The following FTO variants were observed in gnomAD, a reference collection of about 807,000 sequenced individuals.
FTO encodes FTO alpha-ketoglutarate dependent dioxygenase.
In FTO, 47 loss-of-function variants were observed where a neutral mutation model predicts 63.9. That is an observed-to-expected ratio of 0.74 (90% CI 0.58 to 0.94). The LOEUF is 0.94. Among genes scored for constraint, FTO ranks in the 40% least tolerant of loss-of-function variants. The pLI is 0.00. For missense variants in FTO, 562 were observed against 618.1 expected (o/e 0.91, Z 0.96); for synonymous variants, 207 against 224.4 (o/e 0.92, Z 0.69).
intron 8 of FTO, among the ~76,000 whole-genome samples, chr16:54,048,112 TA>T (rs71380059): frequency 0.011 from 402 of 36,312 alleles, 37 homozygotes; most frequent in African/African-American, 0.07. Flanking sequence ...TAGAGTATAA[TA>T]AAAAAAAAAA....
intron 1 of FTO, among the ~76,000 whole-genome samples, chr16:53,724,507 A>G (rs1290639596): frequency 6.6e-6 from 1 of 152,206 alleles, no homozygotes; most frequent in African/African-American, 2.4e-5. Flanking sequence ...TCTATTTGTG[A>G]TTAGAAATCC....
At chr16:54,056,769 C>T (rs188511927) in intron 8 of FTO, among the ~76,000 whole-genome samples, 1 of 152,288 alleles carries the variant, frequency 6.6e-6, no homozygotes, top group East Asian at 1.9e-4. Flanking sequence ...TATGAGAAAC[C>T]CTAAAACCAG....
intron 8 of FTO, chr16:54,072,207 A>G (rs891148258): frequency 2.6e-5 from 4 of 152,188 alleles, no homozygotes; most frequent in African/African-American, 9.7e-5. Flanking sequence ...TAGATTGAAG[A>G]CATCATTTGT....
At chr16:53,795,702 T>C (rs1279860391) in intron 1 of FTO, among the ~76,000 whole-genome samples, 1 of 152,146 alleles carries the variant, frequency 6.6e-6, no homozygotes, top group African/African-American at 2.4e-5. Context: ...ATGTTGACGT[T>C]GTAGAATTTA....
At chr16:54,049,965 A>G (rs1245758702) in intron 8 of FTO, among the ~76,000 whole-genome samples, 2 of 152,226 alleles carry the variant, frequency 1.3e-5, no homozygotes, top group African/African-American at 4.8e-5. Flanking sequence ...GTGTGAAAAC[A>G]ATCTGGCTGT....
At chr16:53,957,158 G>T (rs1196674762) in intron 8 of FTO, among the ~76,000 whole-genome samples, 1 of 152,102 alleles carries the variant, frequency 6.6e-6, no homozygotes, top group African/African-American at 2.4e-5. Context: ...TGGCTTGCCC[G>T]GGGCTGGCAT....
intron 1 of FTO, among the ~76,000 whole-genome samples, chr16:53,741,630 G>T (rs1230741454): frequency 6.6e-6 from 1 of 152,100 alleles, no homozygotes; most frequent in Non-Finnish European, 1.5e-5. Flanking sequence ...GCCCAAGAAG[G>T]TCATTGAGGA....
chr16:53,747,978 G>A (rs2076688115), intron 1 of FTO, among the ~76,000 whole-genome samples: 1 of 152,054 alleles, frequency 6.6e-6, no homozygotes. Flanking sequence ...ACATGCATGG[G>A]TTCATTTCTG....
intron 8 of FTO, among the ~76,000 whole-genome samples, chr16:54,075,568 G>A (rs1391493452): frequency 6.6e-6 from 1 of 152,184 alleles, no homozygotes; most frequent in African/African-American, 2.4e-5. Flanking sequence ...AAAGATGATA[G>A]TTTTCTCTGT....
chr16:53,880,120 G>A (rs2080783211), intron 6 of FTO, 133 bp downstream of exon 6: 3 of 677,596 alleles, frequency 4.4e-6, no homozygotes, highest in Non-Finnish European at 5.1e-6. Flanking sequence ...TCAAGCTCCC[G>A]AATAGGTGGG....
chr16:54,001,964 G>A (rs1431343667), intron 8 of FTO, among the ~76,000 whole-genome samples: 2 of 152,200 alleles, frequency 1.3e-5, no homozygotes, highest in Non-Finnish European at 2.9e-5. Context: ...CTTTGGGCCA[G>A]ATGATTAGTC....
rs562511912 is a variant in FTO at position 54,079,306 on chromosome 16, A to G, written c.1365-32456A>G. ...ACAAGCACAGGATGGCCAAACCAAG[A>G]ATGAAGCTTGATTCTGAGCTTTATG... On this transcript the variant is annotated intron_variant, in intron 8 of 8. Coordinates refer to ENST00000471389, the MANE Select transcript of FTO (RefSeq NM_001080432.3). Among the ~76,000 whole-genome samples the G allele has an allele frequency of 4.6e-5, 7 of 152,298 alleles. No individual in the cohort carries two copies. The South Asian group carries it at 1.0e-3, about 23-fold the overall frequency.
At chr16:53,870,399 C>T (rs114184644) in intron 4 of FTO, among the ~76,000 whole-genome samples, 2,069 of 152,270 alleles carry the variant, frequency 0.014, 34 homozygotes, top group South Asian at 0.058. Flanking sequence ...GTCCCGTCTA[C>T]GTTGAATCTC....
intron 8 of FTO, among the ~76,000 whole-genome samples, chr16:54,068,552 C>T (rs1340096549): frequency 6.6e-6 from 1 of 152,056 alleles, no homozygotes; most frequent in African/African-American, 2.4e-5. Context: ...ACCTATCTGC[C>T]CCCACATTTT....
rs147341309 is a variant in FTO at position 54,075,801 on chromosome 16, T to A, written c.1365-35961T>A. Among the ~76,000 whole-genome samples the A allele has an allele frequency of 3.3e-3, 503 of 152,202 alleles. 1 individual carries two copies. The highest frequency in any genetic ancestry group is 0.011 in the African/African-American group (439 of 41,454). Reference sequence around the variant, plus strand: ...TTAATCTGTTTTACTAAATCTTTACTGTATGTGAAATTATTTCTTTAAGCA... The same window carrying A: ...TTAATCTGTTTTACTAAATCTTTACAGTATGTGAAATTATTTCTTTAAGCA... On this transcript the variant is annotated intron_variant, in intron 8 of 8. Transcript: ENST00000471389.
intron 8 of FTO, among the ~76,000 whole-genome samples, chr16:54,015,741 C>T (rs1320575249): frequency 1.3e-5 from 2 of 152,198 alleles, no homozygotes; most frequent in Non-Finnish European, 2.9e-5. Context: ...ATTCTCACAA[C>T]ATTCTGTGAA....
intron 8 of FTO, chr16:53,991,531 G>T (rs1003416106): frequency 1.3e-5 from 2 of 152,196 alleles, no homozygotes; most frequent in Non-Finnish European, 2.9e-5. Flanking sequence ...TCCCTTGTAT[G>T]CTAAATATGC....
At chr16:53,728,509 A>G (rs1165131486) in intron 1 of FTO, among the ~76,000 whole-genome samples, 1 of 152,228 alleles carries the variant, frequency 6.6e-6, no homozygotes, top group Non-Finnish European at 1.5e-5. Flanking sequence ...TCTAGGATAC[A>G]GCCATGAACT....
intron 7 of FTO, among the ~76,000 whole-genome samples, chr16:53,906,620 T>C (rs1478685069): frequency 1.3e-5 from 2 of 152,190 alleles, no homozygotes; most frequent in Admixed American, 1.3e-4. Context: ...AGCTTCACAG[T>C]GAAGCATTTT....
Sources: gnomAD v4.1 joint callset for allele counts (sites outside exome capture counted in the v4.1 genomes callset) on GRCh38, gnomAD v4.1.1 for gene constraint, MANE v1.5 for transcripts, NCBI Gene and HGNC (gene_info 2026-07-23, HGNC 2026-07-21) for gene names.